The following GABPA variants were observed in gnomAD, a reference collection of about 807,000 sequenced individuals.
The protein encoded by GABPA is GA-binding protein alpha chain.
GABPA carries 4 observed loss-of-function variants against 59.4 expected under a neutral mutation model. The observed-to-expected ratio is 0.07, with a 90% CI of 0.03 to 0.15. The LOEUF is 0.15. Ranked by LOEUF, GABPA falls within the 10% of genes least tolerant of loss-of-function variation. The pLI, the probability that GABPA is intolerant of heterozygous loss-of-function variation, is 1.00. For missense variants in GABPA, 251 were observed against 543.8 expected (o/e 0.46, Z 5.36); for synonymous variants, 164 against 183.1 (o/e 0.90, Z 0.84).
chr21:25,756,479 C>T (rs2035640104), intron 5 of GABPA, among the ~76,000 whole-genome samples: 1 of 152,224 alleles, frequency 6.6e-6, no homozygotes, highest in Admixed American at 6.5e-5. Flanking sequence ...GTTTGACAAA[C>T]ACCCAGGTGC....
chr21:25,747,444 A>G (rs1568942592), intron 3 of GABPA, among the ~76,000 whole-genome samples: 1 of 152,206 alleles, frequency 6.6e-6, no homozygotes, highest in South Asian at 2.1e-4. Flanking sequence ...TATAATTCAT[A>G]TTGTCATAGA....
At chr21:25,749,954 G>T (rs1039569201) in intron 4 of GABPA, among the ~76,000 whole-genome samples, 11 of 152,200 alleles carry the variant, frequency 7.2e-5, no homozygotes, top group African/African-American at 2.4e-4. Flanking sequence ...GAATTCAAGC[G>T]CATTACATTA....
At chr21:25,735,902 A>G (rs2035038996) in intron 1 of GABPA, among the ~76,000 whole-genome samples, 1 of 151,886 alleles carries the variant, frequency 6.6e-6, no homozygotes. Flanking sequence ...GCCCGTCCGC[A>G]CTCCTCAGCA....
intron 5 of GABPA, among the ~76,000 whole-genome samples, chr21:25,756,102 A>T (rs767679389): frequency 7.9e-5 from 12 of 152,338 alleles, no homozygotes; most frequent in Non-Finnish European, 1.3e-4. Context: ...TAGAGAAAGG[A>T]GGCAGAACAT....
chr21:25,761,915 G>C lies in GABPA; in HGVS notation c.749-397G>C, dbSNP rs71651632. Among the ~76,000 whole-genome samples the C allele has an allele frequency of 3.3e-5, 5 of 152,218 alleles. No homozygotes were observed. In the East Asian group the frequency reaches 9.6e-4, roughly 29 times the overall value. ...ATGTTATAACAAATAATGGGAAGGAGGCCTTTTTGGTGGAGATACGTACCT... is the reference window on the plus strand; with the variant it reads ...ATGTTATAACAAATAATGGGAAGGACGCCTTTTTGGTGGAGATACGTACCT... On this transcript the variant is annotated intron_variant, in intron 6 of 9. Coordinates refer to ENST00000400075, the MANE Select transcript of GABPA (RefSeq NM_002040.4).
intron 3 of GABPA, 78 bp from the exon 4 acceptor site, chr21:25,748,958 A>G (rs2035438520): frequency 4.7e-6 from 4 of 849,844 alleles, no homozygotes; most frequent in South Asian, 2.8e-5. Context: ...TGGTACATCC[A>G]TTTATTCTAA....
At chr21:25,764,963 T>G (rs1218454761) in intron 9 of GABPA, among the ~76,000 whole-genome samples, 176 bp downstream of exon 9, 1 of 98,154 alleles carries the variant, frequency 1.0e-5, no homozygotes, top group Non-Finnish European at 1.9e-5. Context: ...CGAGGTACAG[T>G]TTTTTTTTTA....
intron 3 of GABPA, among the ~76,000 whole-genome samples, chr21:25,747,560 G>A (rs1246335777): frequency 6.6e-6 from 1 of 152,184 alleles, no homozygotes; most frequent in African/African-American, 2.4e-5. Flanking sequence ...TCATGTCAAT[G>A]CAAACATACA....
intron 5 of GABPA, among the ~76,000 whole-genome samples, chr21:25,756,393 T>A (rs1239847082): frequency 6.6e-6 from 1 of 152,182 alleles, no homozygotes; most frequent in African/African-American, 2.4e-5. Context: ...GGCGTCCCTC[T>A]GCTGCTCACT....
chr21:25,760,936 A>G (rs766337329), intron 6 of GABPA, among the ~76,000 whole-genome samples: 43 of 151,926 alleles, frequency 2.8e-4, no homozygotes, highest in Non-Finnish European at 5.2e-4. Context: ...CTCCAATCTG[A>G]GAATTAGGAC....
rs1334111168 is a variant in GABPA at position 25,754,615 on chromosome 21, A to AT, written c.553+2382dup. Among the ~76,000 whole-genome samples the AT allele has an allele frequency of 8.0e-5, 12 of 150,000 alleles. 2 individuals carry two copies. Among genetic ancestry groups the AT allele is most frequent in the African/African-American group, 7.4e-5 (3 of 40,354 alleles). ...CTACTTCTCTGAGTATATTGATTAT[A>AT]TATTTTTTTTTAACTTTTAAAAAGC... On this transcript the variant is annotated intron_variant, in intron 5 of 9. Transcript: ENST00000400075.
intron 1 of GABPA, among the ~76,000 whole-genome samples, chr21:25,738,539 AT>A (rs1198776085): frequency 1.3e-5 from 2 of 152,106 alleles, no homozygotes; most frequent in Non-Finnish European, 2.9e-5. Context: ...TGTTCTTGGA[AT>A]TTTATTTAAG....
At chr21:25,748,980 G>A (rs2035438939) in intron 3 of GABPA, 56 bp from the exon 4 acceptor site, 6 of 1,047,934 alleles carry the variant, frequency 5.7e-6, no homozygotes, top group Non-Finnish European at 9.0e-6. Context: ...CCAAAGGCAA[G>A]GGACTTAATC....
chr21:25,741,905 C>T (rs1203844280), intron 2 of GABPA, among the ~76,000 whole-genome samples: 2 of 152,134 alleles, frequency 1.3e-5, no homozygotes, highest in Non-Finnish European at 2.9e-5. Context: ...CAATTGCTTT[C>T]AATAGTTTTC....
At chr21:25,751,242 T>C (rs2123525645) in intron 4 of GABPA, among the ~76,000 whole-genome samples, 1 of 139,798 alleles carries the variant, frequency 7.2e-6, no homozygotes, top group South Asian at 2.4e-4. Context: ...AATTATAATT[T>C]AATTAGGTAT....
intron 5 of GABPA, among the ~76,000 whole-genome samples, chr21:25,756,623 T>G (rs933694088): frequency 6.6e-6 from 1 of 152,236 alleles, no homozygotes; most frequent in East Asian, 1.9e-4. Flanking sequence ...CAGGTTTTCC[T>G]ATGATCAGAG....
At chr21:25,747,574 C>T (rs1210231371) in intron 3 of GABPA, among the ~76,000 whole-genome samples, 2 of 152,218 alleles carry the variant, frequency 1.3e-5, no homozygotes, top group African/African-American at 2.4e-5. Flanking sequence ...ACATACATTT[C>T]AGTCAGAAGT....
intron 1 of GABPA, among the ~76,000 whole-genome samples, chr21:25,736,306 A>G (rs537933523): frequency 6.6e-6 from 1 of 152,366 alleles, no homozygotes; most frequent in Admixed American, 6.5e-5. Context: ...GTTTCCACTA[A>G]TAGCAGTAGG....
intron 9 of GABPA, among the ~76,000 whole-genome samples, chr21:25,767,157 G>T (rs1601157620): frequency 6.6e-6 from 1 of 151,930 alleles, no homozygotes; most frequent in African/African-American, 2.4e-5. Flanking sequence ...ATACAGGCTT[G>T]TGTTTACCTT....
Sources: allele counts gnomAD v4.1 joint callset (sites outside exome capture counted in the v4.1 genomes callset), GRCh38; gene constraint gnomAD v4.1.1; transcripts MANE v1.5; gene names NCBI Gene and HGNC (gene_info 2026-07-23, HGNC 2026-07-21).